MYO5B: variants seen among roughly 807,000 people sequenced by gnomAD.
The protein encoded by MYO5B is unconventional myosin-Vb.
MYO5B carries 143 observed loss-of-function variants against 229.3 expected under a neutral mutation model. That is an observed-to-expected ratio of 0.62 (90% confidence interval 0.54 to 0.72). The LOEUF (loss-of-function observed/expected upper bound fraction) is 0.72. MYO5B is among the 30% of genes least tolerant of loss of function. The probability of loss-of-function intolerance (pLI) is 0.00; values close to 1 mark genes in which losing one functional copy is unlikely to be tolerated. For synonymous variants in MYO5B, 918 were observed against 885.2 expected, an observed-to-expected ratio of 1.04 and a Z score of -0.66; for missense variants, 2,321 against 2,331.0, an observed-to-expected ratio of 1.00 and a Z score of 0.09.
intron 7 of MYO5B, 36 bp from the exon 8 acceptor site, chr18:49,984,861 G>A (rs1326546006): frequency 4.3e-6 from 6 of 1,398,836 alleles, no homozygotes; most frequent in Middle Eastern, 1.8e-4. Context: ...TGAGGCACTG[G>A]AGGACACTTC....
intron 21 of MYO5B, among the ~76,000 whole-genome samples, chr18:49,896,040 G>A (rs963393224): frequency 1.7e-4 from 26 of 152,182 alleles, no homozygotes; most frequent in African/African-American, 6.0e-4. Flanking sequence ...CTGTAGGAGC[G>A]CCAGGCAGAA....
chr18:49,922,887 T>C (rs2025089797), intron 17 of MYO5B, among the ~76,000 whole-genome samples: 1 of 151,974 alleles, frequency 6.6e-6, no homozygotes, highest in Non-Finnish European at 1.5e-5. Flanking sequence ...AGGCCAGGGG[T>C]TGTGGGCATC....
intron 5 of MYO5B, among the ~76,000 whole-genome samples, chr18:49,993,483 T>TTGTTACTGAACAACTGTTCC (rs2025954371): frequency 6.6e-6 from 1 of 151,970 alleles, no homozygotes. Context: ...TGCCATTGAG[T>TTGTTACTGAACAACTGTTCC]TGTTACTGAA....
chr18:49,890,245 T>G (rs2024694124), intron 22 of MYO5B, among the ~76,000 whole-genome samples: 1 of 152,204 alleles, frequency 6.6e-6, no homozygotes, highest in Non-Finnish European at 1.5e-5. Flanking sequence ...CACTTTGTGG[T>G]GTCAGGGCTG....
chr18:50,072,365 A>T (rs1436320986), intron 1 of MYO5B, among the ~76,000 whole-genome samples: 1 of 152,214 alleles, frequency 6.6e-6, no homozygotes, highest in African/African-American at 2.4e-5. Flanking sequence ...CTGGTGAAAA[A>T]GCAGCCCCAT....
intron 30 of MYO5B, among the ~76,000 whole-genome samples, chr18:49,854,323 A>G (rs923182999): frequency 6.6e-6 from 1 of 152,216 alleles, no homozygotes; most frequent in Non-Finnish European, 1.5e-5. Flanking sequence ...AGAGAGACCT[A>G]GAGATCTTGC....
intron 12 of MYO5B, among the ~76,000 whole-genome samples, chr18:49,955,480 A>C (rs2025482726): frequency 6.6e-6 from 1 of 152,184 alleles, no homozygotes. Context: ...TTTAGATTGC[A>C]TATTTGGATC....
chr18:49,893,576 G>C (rs1352037361), intron 22 of MYO5B, among the ~76,000 whole-genome samples: 2 of 152,250 alleles, frequency 1.3e-5, no homozygotes, highest in African/African-American at 4.8e-5. Flanking sequence ...TATCTGGGCA[G>C]AGGGTCCTGT....
chr18:50,126,925 T>A (rs918671967), intron 1 of MYO5B, among the ~76,000 whole-genome samples: 8 of 152,168 alleles, frequency 5.3e-5, no homozygotes, highest in African/African-American at 1.9e-4. Flanking sequence ...ATACAGGAAG[T>A]TTTTACAATT....
intron 1 of MYO5B, among the ~76,000 whole-genome samples, chr18:50,181,735 T>A (rs2033076209): frequency 6.6e-6 from 1 of 152,196 alleles, no homozygotes; most frequent in Non-Finnish European, 1.5e-5. Context: ...TTTATGGGCA[T>A]TGCCATCATT....
chr18:49,955,793 C>T (rs2025486368), intron 12 of MYO5B, among the ~76,000 whole-genome samples: 1 of 152,184 alleles, frequency 6.6e-6, no homozygotes, highest in African/African-American at 2.4e-5. Flanking sequence ...TTATATTTGT[C>T]TCCAAGCATT....
intron 10 of MYO5B, among the ~76,000 whole-genome samples, chr18:49,973,775 G>T (rs1165198714): frequency 2.6e-5 from 4 of 152,116 alleles, no homozygotes; most frequent in Non-Finnish European, 5.9e-5. Flanking sequence ...CACCACGGTG[G>T]CTCTCCCTGC....
chr18:49,972,349 C>T (rs946732979), intron 10 of MYO5B, among the ~76,000 whole-genome samples: 2 of 152,094 alleles, frequency 1.3e-5, no homozygotes, highest in African/African-American at 4.8e-5. Flanking sequence ...GCCCAGCTCA[C>T]GGAGGCCTCC....
chr18:49,953,169 C>G, intron 14 of MYO5B, 91 bp downstream of exon 14: 1 of 1,245,724 alleles, frequency 8.0e-7, no homozygotes, highest in Non-Finnish European at 1.2e-6. Flanking sequence ...GCATCTCTGT[C>G]TTTCCACCCC....
At chr18:49,977,142 C>T (rs934234121) in intron 9 of MYO5B, among the ~76,000 whole-genome samples, 8 of 152,084 alleles carry the variant, frequency 5.3e-5, no homozygotes, top group African/African-American at 1.4e-4. Flanking sequence ...CACAGTGGGG[C>T]GGGGCTTGAT....
intron 17 of MYO5B, 109 bp downstream of exon 17, chr18:49,929,403 T>A: frequency 1.2e-6 from 1 of 855,782 alleles, no homozygotes; most frequent in Non-Finnish European, 1.8e-6. Flanking sequence ...TTGGGAACCG[T>A]TTTGAAGGAT....
intron 5 of MYO5B, among the ~76,000 whole-genome samples, chr18:50,000,636 G>A (rs759563556): frequency 1.3e-5 from 2 of 152,190 alleles, no homozygotes; most frequent in African/African-American, 2.4e-5. Context: ...CTGTAGTTGT[G>A]TCAACTGCTC....
Position 50,022,977 on chromosome 18 carries a change from G to A in MYO5B, c.455+13873C>T, listed in dbSNP as rs567377720. On this transcript the variant is annotated intron_variant, in intron 4 of 39. Coordinates refer to ENST00000285039, the MANE Select transcript of MYO5B (RefSeq NM_001080467.3). ...TAACAGCAGACCAGCATTGTTGGAGGAGGCAACTGACAAACCCATAGATGG... is the reference window on the plus strand; with the variant it reads ...TAACAGCAGACCAGCATTGTTGGAGAAGGCAACTGACAAACCCATAGATGG... Among the ~76,000 whole-genome samples the A allele has an allele frequency of 2.1e-4, 32 of 152,258 alleles. 1 individual carries two copies. The South Asian group carries it at 6.6e-3, about 32-fold the overall frequency.
chr18:50,078,679 T>C (rs2031144881), intron 1 of MYO5B, among the ~76,000 whole-genome samples: 1 of 152,190 alleles, frequency 6.6e-6, no homozygotes, highest in Non-Finnish European at 1.5e-5. Context: ...TCTTCAGCAG[T>C]ATCTGCTAAA....
Sources: gnomAD v4.1 joint callset for allele counts (sites outside exome capture counted in the v4.1 genomes callset) on GRCh38, gnomAD v4.1.1 for gene constraint, MANE v1.5 for transcripts, NCBI Gene and HGNC (gene_info 2026-07-23, HGNC 2026-07-21) for gene names.